The following CARS1 variants were observed in gnomAD, a reference collection of about 807,000 sequenced individuals.
CARS1 encodes cysteinyl-tRNA synthetase 1, also known as cysteine--tRNA ligase, cytoplasmic.
In CARS1, 48 loss-of-function variants were observed where a neutral mutation model predicts 106.2. The ratio of observed to expected loss-of-function variants is 0.45; its 90% CI spans 0.36 to 0.57. The LOEUF is 0.57. CARS1 is among the 20% of genes least tolerant of loss of function. CARS1 has a pLI of 0.00. For missense variants in CARS1, 968 were observed against 1,057.2 expected (o/e 0.92, Z 1.17); for synonymous variants, 409 against 403.4 (o/e 1.01, Z -0.17).
rs573008127 is a variant in CARS1 at position 3,045,579 on chromosome 11, A to G, written c.274+2174T>C. ...GCGCCGGGCCAAGCAGAGTCTTTCC[A>G]TGTCTGAGAGGATCTTGGAGACAGG... On this transcript the variant is annotated intron_variant, in intron 2 of 22. Transcript: ENST00000380525. The surrounding 1 kb of genome is among the most constrained non-coding windows in gnomAD (Gnocchi z 5.6). 6.6e-6 allele frequency among the ~76,000 whole-genome samples: 1 copy of G among 152,252 alleles called. No homozygotes were observed. The highest frequency in any genetic ancestry group is 2.1e-4 in the South Asian group (1 of 4,822).
intron 1 of CARS1, among the ~76,000 whole-genome samples, chr11:3,051,186 C>T (rs1042650180): frequency 6.6e-6 from 1 of 152,238 alleles, no homozygotes; most frequent in Non-Finnish European, 1.5e-5. Context: ...TAGCAGGAGC[C>T]CTGCTGCCCA....
chr11:3,002,479 G>A, intron 21 of CARS1, 62 bp downstream of exon 21: 1 of 1,604,728 alleles, frequency 6.2e-7, no homozygotes. Context: ...AGAGCCACAG[G>A]GCATGGGGTC....
chr11:3,048,175 G>A lies in CARS1; in HGVS notation c.26-174C>T, dbSNP rs575346506. Among the ~76,000 whole-genome samples, 75 of 152,314 alleles carry A rather than the reference G, an allele frequency of 4.9e-4. No individual in the cohort carries two copies. Among genetic ancestry groups the A allele is most frequent in the Admixed American group, 1.5e-3 (23 of 15,298 alleles). On this transcript the variant is annotated intron_variant, in intron 1 of 22. Coordinates refer to ENST00000380525, the MANE Select transcript of CARS1 (RefSeq NM_001014437.3). This position sits in a 1 kb window ranked among gnomAD's most constrained non-coding sequence, Gnocchi z 5.1. Reference sequence around the variant, plus strand: ...CACAGGGGCAGCGCTTCGACTGGGGGCGAGGGAGTGACTGCCTGACAGGTA... The same window carrying A: ...CACAGGGGCAGCGCTTCGACTGGGGACGAGGGAGTGACTGCCTGACAGGTA...
intron 17 of CARS1, 106 bp downstream of exon 17, chr11:3,015,675 T>G: frequency 2.1e-6 from 2 of 972,036 alleles, no homozygotes; most frequent in Non-Finnish European, 3.3e-6. Context: ...TCCGGAAGGG[T>G]CTGGTGTGGG....
At chr11:3,001,885 G>T in intron 22 of CARS1, 85 bp downstream of exon 22, 1 of 1,088,642 alleles carries the variant, frequency 9.2e-7, no homozygotes, top group Non-Finnish European at 1.4e-6. Context: ...AAATCTGCTT[G>T]TCCAAGGTTG....
intron 2 of CARS1, among the ~76,000 whole-genome samples, chr11:3,047,170 G>C (rs991834757): frequency 3.3e-5 from 5 of 151,624 alleles, no homozygotes; most frequent in African/African-American, 1.2e-4. Flanking sequence ...CCAGCTACTC[G>C]GGAGGCTGAG....
Position 3,053,255 on chromosome 11 carries a change from G to A in CARS1, c.25+4088C>T, listed in dbSNP as rs368997883. Among the ~76,000 whole-genome samples the A allele has an allele frequency of 3.3e-5, 5 of 150,992 alleles. No homozygotes were observed. Among genetic ancestry groups the A allele is most frequent in the Admixed American group, 1.3e-4 (2 of 15,184 alleles). On this transcript the variant is annotated intron_variant, in intron 1 of 22. Transcript: ENST00000380525. The surrounding 1 kb of genome is among the most constrained non-coding windows in gnomAD (Gnocchi z 6.6). ...TTTATTTTATTTTATTTTTTGAGAC[G>A]GAGTCTCGCTCGTCACCCAGGCTGG...
In CARS1 at chr11:3,024,746, C is replaced by A. The variant is rs565233302; in HGVS notation, c.1153+1930G>T. 1.9e-4 allele frequency among the ~76,000 whole-genome samples: 29 copies of A among 152,282 alleles called. No homozygotes were observed. The South Asian group carries it at 5.2e-3, about 27-fold the overall frequency. On this transcript the variant is annotated intron_variant, in intron 10 of 22. Transcript: ENST00000380525. ...TACAGGTGTGGGTCGCCATGTCTGG[C>A]CAAGTGTTGTTATCTAATACAATCG... is the stretch of plus-strand genomic sequence containing the variant.
chr11:3,020,585 T>C lies in CARS1; in HGVS notation c.1154-253A>G, dbSNP rs1001474710. Reference sequence around the variant, plus strand: ...TATACCTGGCTGACTTGAGGCCACATCTGGGGTCTCCGTAAGACATTCACC... The same window carrying C: ...TATACCTGGCTGACTTGAGGCCACACCTGGGGTCTCCGTAAGACATTCACC... On this transcript the variant is annotated intron_variant, in intron 10 of 22. Transcript: ENST00000380525. The surrounding 1 kb of genome is among the most constrained non-coding windows in gnomAD (Gnocchi z 4.6). Among the ~76,000 whole-genome samples the C allele has an allele frequency of 2.0e-5, 3 of 152,206 alleles. No individual in the cohort carries two copies. Among genetic ancestry groups the C allele is most frequent in the African/African-American group, 7.2e-5 (3 of 41,448 alleles).
rs1010326978 is a variant in CARS1 at position 3,045,619 on chromosome 11, T to C, written c.274+2134A>G. On this transcript the variant is annotated intron_variant, in intron 2 of 22. Coordinates refer to ENST00000380525, the MANE Select transcript of CARS1 (RefSeq NM_001014437.3). The surrounding 1 kb of genome is among the most constrained non-coding windows in gnomAD (Gnocchi z 5.6). ...TTGGAGACAGGACACAGAAGGCACA[T>C]GGGAGGAGCTGGTAACAGGCGGGCA... Among the ~76,000 whole-genome samples, 24 of 152,024 alleles carry C rather than the reference T, an allele frequency of 1.6e-4. No individual in the cohort carries two copies. The highest frequency in any genetic ancestry group is 5.3e-4 in the African/African-American group (22 of 41,438).
rs900136773 is a variant in CARS1 at position 3,019,462 on chromosome 11, G to A, written c.1267-195C>T. 6.6e-6 allele frequency among the ~76,000 whole-genome samples: 1 copy of A among 152,196 alleles called. No homozygotes were observed. Among genetic ancestry groups the A allele is most frequent in the Non-Finnish European group, 1.5e-5 (1 of 68,028 alleles). ...TGTAATCCCAGCACTTTGCGATGCC[G>A]AGGCAGACGGATCACCAGGTCAGGA... On this transcript the variant is annotated intron_variant, in intron 11 of 22. Coordinates refer to ENST00000380525, the MANE Select transcript of CARS1 (RefSeq NM_001014437.3). This position sits in a 1 kb window ranked among gnomAD's most constrained non-coding sequence, Gnocchi z 6.2.
chr11:3,012,329 A>G lies in CARS1; in HGVS notation c.1987-53T>C. 2.7e-6 allele frequency: 4 copies of G among 1,481,426 alleles called. No individual in the cohort carries two copies. In the Admixed American group the frequency reaches 6.7e-5, roughly 25 times the overall value. The allele number at this position is 1,481,426 out of a possible 1,614,324, so 91.8% of individuals were successfully genotyped here. On this transcript the variant is annotated intron_variant, in intron 17 of 22. Coordinates refer to ENST00000380525, the MANE Select transcript of CARS1 (RefSeq NM_001014437.3). ...GAGAGCTGCTCACACTCCCATATTC[A>G]TAACAGAATAATAGCTCAGTGGCCG...
At chr11:3,014,276 G>C (rs1030020000) in intron 17 of CARS1, among the ~76,000 whole-genome samples, 1 of 152,206 alleles carries the variant, frequency 6.6e-6, no homozygotes, top group Non-Finnish European at 1.5e-5. Context: ...GCTGTGTGGC[G>C]ACACTGAGGT....
chr11:3,031,059 G>A (rs151291346), intron 7 of CARS1: 5 of 152,336 alleles, frequency 3.3e-5, no homozygotes, highest in African/African-American at 9.6e-5. Flanking sequence ...CAGAGGAGAG[G>A]AGAGAGGGAA....
intron 17 of CARS1, among the ~76,000 whole-genome samples, chr11:3,013,572 T>G (rs1244492296): frequency 1.3e-5 from 2 of 151,898 alleles, no homozygotes; most frequent in Non-Finnish European, 2.9e-5. Flanking sequence ...AAGTGCTGGC[T>G]GGGCGCGGTG....
In CARS1 at chr11:3,022,760, G is replaced by A. The variant is rs2134165136; in HGVS notation, c.1154-2428C>T. Among the ~76,000 whole-genome samples, 1 of 152,312 alleles carries A rather than the reference G, an allele frequency of 6.6e-6. No individual in the cohort carries two copies. Among genetic ancestry groups the A allele is most frequent in the African/African-American group, 2.4e-5 (1 of 41,570 alleles). On this transcript the variant is annotated intron_variant, in intron 10 of 22. Coordinates refer to ENST00000380525, the MANE Select transcript of CARS1 (RefSeq NM_001014437.3). The surrounding 1 kb of genome is among the most constrained non-coding windows in gnomAD (Gnocchi z 4.9). Reference sequence around the variant, plus strand: ...ACGTGCCTTCCCGAGTGGTCTGCATGGCCCATCTGCCTCTGGTGGGTCATC... The same window carrying A: ...ACGTGCCTTCCCGAGTGGTCTGCATAGCCCATCTGCCTCTGGTGGGTCATC...
rs1446751351 is a variant in CARS1 at position 3,022,655 on chromosome 11, C to T, written c.1154-2323G>A. Among the ~76,000 whole-genome samples the T allele has an allele frequency of 1.3e-5, 2 of 152,228 alleles. No homozygotes were observed. The highest frequency in any genetic ancestry group is 2.9e-5 in the Non-Finnish European group (2 of 68,048). On this transcript the variant is annotated intron_variant, in intron 10 of 22. Transcript: ENST00000380525. The surrounding 1 kb of genome is among the most constrained non-coding windows in gnomAD (Gnocchi z 4.9). Reference sequence around the variant, plus strand: ...GTGAGTGTTTCTAGCTTTGACCCTACAAGCATGTTCATACCAGCACAACAG... The same window carrying T: ...GTGAGTGTTTCTAGCTTTGACCCTATAAGCATGTTCATACCAGCACAACAG...
chr11:3,026,660 G>A lies in CARS1; in HGVS notation c.1153+16C>T, dbSNP rs377416181. 26 of 1,612,658 alleles carry A rather than the reference G, an allele frequency of 1.6e-5. No individual in the cohort carries two copies. Among genetic ancestry groups the A allele is most frequent in the Non-Finnish European group, 2.0e-5 (24 of 1,179,626 alleles). ...AGGAGGGAGAGCCCACATGCTCTCAGGCATGCCCTCCTCACCTTCCCCTTC... is the reference window on the plus strand; with the variant it reads ...AGGAGGGAGAGCCCACATGCTCTCAAGCATGCCCTCCTCACCTTCCCCTTC... On this transcript the variant is annotated intron_variant, in intron 10 of 22. Coordinates refer to ENST00000380525, the MANE Select transcript of CARS1 (RefSeq NM_001014437.3).
In CARS1 at chr11:3,053,910, G is replaced by A. The variant is rs1378920678; in HGVS notation, c.25+3433C>T. Among the ~76,000 whole-genome samples the A allele has an allele frequency of 6.6e-6, 1 of 152,096 alleles. No individual in the cohort carries two copies. The highest frequency in any genetic ancestry group is 1.5e-5 in the Non-Finnish European group (1 of 68,026). On this transcript the variant is annotated intron_variant, in intron 1 of 22. Transcript: ENST00000380525. The surrounding 1 kb of genome is among the most constrained non-coding windows in gnomAD (Gnocchi z 6.6). ...AGGGTCCTCATCTTGTGGGTGTCCA[G>A]GCAACATCTCACCCTGCAGGTTACT...
Sources: allele counts gnomAD v4.1 joint callset (sites outside exome capture counted in the v4.1 genomes callset), GRCh38; gene constraint gnomAD v4.1.1; non-coding constraint Gnocchi (gnomAD v3.1); transcripts MANE v1.5; gene names NCBI Gene and HGNC (gene_info 2026-07-23, HGNC 2026-07-21).